The following PXDNL variants were observed in gnomAD, a reference collection of about 807,000 sequenced individuals.
PXDNL encodes peroxidasin like, also known as probable oxidoreductase PXDNL.
PXDNL carries 145 observed loss-of-function variants against 150.8 expected under a neutral mutation model. The observed-to-expected ratio is 0.96, with a 90% CI of 0.84 to 1.10. The LOEUF is 1.10. Ranked by LOEUF, PXDNL falls within the 50% of genes least tolerant of loss-of-function variation. The pLI is 0.00. For missense variants in PXDNL, 2,087 were observed against 1,873.9 expected (o/e 1.11, Z -2.10); for synonymous variants, 757 against 725.7 (o/e 1.04, Z -0.69).
chr8:51,789,136 T>C (rs561064486), intron 1 of PXDNL, among the ~76,000 whole-genome samples: 5 of 152,202 alleles, frequency 3.3e-5, no homozygotes, highest in Admixed American at 3.3e-4. Context: ...AAATTTCAGG[T>C]TCTCAGTAGT....
chr8:51,735,992 T>G (rs1817030548), intron 1 of PXDNL, among the ~76,000 whole-genome samples: 3 of 152,180 alleles, frequency 2.0e-5, no homozygotes, highest in African/African-American at 7.2e-5. Flanking sequence ...ACCGTAAACC[T>G]AATAAACTCC....
intron 2 of PXDNL, among the ~76,000 whole-genome samples, chr8:51,635,890 G>C (rs12543254): frequency 0.17 from 25,506 of 151,990 alleles, 2,483 homozygotes; most frequent in Non-Finnish European, 0.22. Flanking sequence ...ACACAGACAA[G>C]ACACCACAAG....
intron 1 of PXDNL, among the ~76,000 whole-genome samples, chr8:51,804,338 G>T (rs1182643493): frequency 6.6e-6 from 1 of 152,272 alleles, no homozygotes; most frequent in Non-Finnish European, 1.5e-5. Context: ...CGGGAGGAAG[G>T]TTGGCCCTAA....
chr8:51,433,619 T>G (rs543957642), intron 12 of PXDNL, among the ~76,000 whole-genome samples: 148 of 152,328 alleles, frequency 9.7e-4, no homozygotes, highest in African/African-American at 3.5e-3. Flanking sequence ...CACTTCTCCT[T>G]TCTTAGCTTT....
At chr8:51,572,896 GA>G (rs1563469170) in intron 3 of PXDNL, among the ~76,000 whole-genome samples, 1 of 151,662 alleles carries the variant, frequency 6.6e-6, no homozygotes, top group East Asian at 2.0e-4. Context: ...TTACATATAA[GA>G]CAAACTAAAA....
intron 1 of PXDNL, among the ~76,000 whole-genome samples, chr8:51,778,757 A>G (rs1170483479): frequency 6.6e-6 from 1 of 152,226 alleles, no homozygotes; most frequent in African/African-American, 2.4e-5. Context: ...TTTAAATGAA[A>G]GATAATGATA....
intron 3 of PXDNL, among the ~76,000 whole-genome samples, chr8:51,560,287 A>AT (rs374220447): frequency 0.019 from 2,830 of 150,838 alleles, 91 homozygotes; most frequent in African/African-American, 0.063. Flanking sequence ...TTTCAATGGC[A>AT]TTTTTTTTTG....
intron 17 of PXDNL, among the ~76,000 whole-genome samples, chr8:51,391,843 G>C (rs1020578885): frequency 6.6e-6 from 1 of 152,074 alleles, no homozygotes; most frequent in Non-Finnish European, 1.5e-5. Context: ...TAATGCCTAG[G>C]TTTTCTTCTA....
chr8:51,339,306 A>G (rs1227232919), intron 21 of PXDNL, among the ~76,000 whole-genome samples: 1 of 152,200 alleles, frequency 6.6e-6, no homozygotes, highest in Admixed American at 6.5e-5. Context: ...CTAAAAATAC[A>G]AAACTTAGCT....
intron 17 of PXDNL, among the ~76,000 whole-genome samples, chr8:51,377,722 C>T (rs909971202): frequency 1.3e-5 from 2 of 152,216 alleles, no homozygotes; most frequent in African/African-American, 2.4e-5. Flanking sequence ...GCGCTGCGCT[C>T]GAATTCTCGT....
chr8:51,429,243 T>C (rs1317166399), intron 12 of PXDNL, among the ~76,000 whole-genome samples: 1 of 152,194 alleles, frequency 6.6e-6, no homozygotes, highest in Non-Finnish European at 1.5e-5. Flanking sequence ...GAATGTAAGA[T>C]GGTACAGACA....
At chr8:51,331,001 G>A (rs1252628452) in intron 21 of PXDNL, among the ~76,000 whole-genome samples, 4 of 152,128 alleles carry the variant, frequency 2.6e-5, no homozygotes, top group African/African-American at 4.8e-5. Flanking sequence ...TTGCAGATCC[G>A]GATACTGCAG....
At chr8:51,406,187 T>G (rs1247115435) in intron 17 of PXDNL, among the ~76,000 whole-genome samples, 3 of 152,228 alleles carry the variant, frequency 2.0e-5, no homozygotes, top group Admixed American at 1.3e-4. Flanking sequence ...AATTTACAAG[T>G]TAGCTGCCAA....
chr8:51,565,316 A>AG (rs1443892161), intron 3 of PXDNL, among the ~76,000 whole-genome samples: 60 of 133,394 alleles, frequency 4.5e-4, no homozygotes, highest in Admixed American at 1.4e-3. Context: ...ATAAATAAAT[A>AG]AATAAATAGA....
At chr8:51,665,490 G>C (rs145622331) in intron 1 of PXDNL, among the ~76,000 whole-genome samples, 2 of 152,118 alleles carry the variant, frequency 1.3e-5, no homozygotes, top group African/African-American at 4.8e-5. Context: ...TCCTAACAGT[G>C]TCTCTGTTCC....
At chr8:51,574,439 T>C (rs1372016813) in intron 3 of PXDNL, among the ~76,000 whole-genome samples, 1 of 150,750 alleles carries the variant, frequency 6.6e-6, no homozygotes, top group Admixed American at 6.6e-5. Flanking sequence ...TAACAAAATA[T>C]CTGGTATTTT....
intron 8 of PXDNL, among the ~76,000 whole-genome samples, chr8:51,471,673 T>C (rs1810336833): frequency 6.6e-6 from 1 of 151,490 alleles, no homozygotes; most frequent in African/African-American, 2.4e-5. Flanking sequence ...GGTCTGGAAA[T>C]GCATAATTTT....
intron 1 of PXDNL, among the ~76,000 whole-genome samples, chr8:51,713,514 G>A (rs6473639): frequency 0.048 from 7,284 of 152,230 alleles, 545 homozygotes; most frequent in African/African-American, 0.16. Flanking sequence ...GCTGGCCAAC[G>A]TTGTCCTCAC....
At chr8:51,533,518 C>G (rs1186275651) in intron 4 of PXDNL, among the ~76,000 whole-genome samples, 2 of 136,532 alleles carry the variant, frequency 1.5e-5, no homozygotes. Context: ...TCTCCCTCTC[C>G]CTCCACGGTC....
Sources: gnomAD v4.1 joint callset for allele counts (sites outside exome capture counted in the v4.1 genomes callset) on GRCh38, gnomAD v4.1.1 for gene constraint, MANE v1.5 for transcripts, NCBI Gene and HGNC (gene_info 2026-07-23, HGNC 2026-07-21) for gene names.